OASL: variants seen among roughly 807,000 people sequenced by gnomAD.
OASL encodes 2'-5'-oligoadenylate synthase-like protein.
Under a neutral mutation model 35.3 loss-of-function variants are expected in OASL, and 28 were observed. The ratio of observed to expected loss-of-function variants is 0.79; its 90% CI spans 0.59 to 1.09. The LOEUF (loss-of-function observed/expected upper bound fraction) is 1.09, where lower values mean the gene tolerates loss of function less well. Among genes scored for constraint, OASL ranks in the 50% least tolerant of loss-of-function variants. The pLI, the probability that OASL is intolerant of heterozygous loss-of-function variation, is 0.00. For missense variants in OASL, 620 were observed against 635.2 expected (o/e 0.98, Z 0.26); for synonymous variants, 252 against 254.6 (o/e 0.99, Z 0.10).
intron 4 of OASL, among the ~76,000 whole-genome samples, chr12:121,026,715 G>T (rs1869502212): frequency 6.6e-6 from 1 of 152,140 alleles, no homozygotes; most frequent in African/African-American, 2.4e-5. Flanking sequence ...GCTGGGTGTG[G>T]GTTGTAGGCG....
chr12:121,023,287 C>G, intron 5 of OASL, among the ~76,000 whole-genome samples: 1 of 123,276 alleles, frequency 8.1e-6, no homozygotes, highest in South Asian at 2.5e-4. Context: ...TTTTTTTTTT[C>G]TTTTTTTCTT....
intron 1 of OASL, among the ~76,000 whole-genome samples, chr12:121,034,556 G>A (rs1285591426): frequency 6.6e-6 from 1 of 152,150 alleles, no homozygotes; most frequent in East Asian, 1.9e-4. Context: ...TCTGGGGGTG[G>A]TGGTGGGGCT....
chr12:121,032,466 T>G (rs934197759), intron 2 of OASL, among the ~76,000 whole-genome samples: 1 of 152,134 alleles, frequency 6.6e-6, no homozygotes, highest in Admixed American at 6.5e-5. Context: ...AGTGAGTTAG[T>G]GCTCCCAAAG....
In OASL at chr12:121,021,072, G is replaced by T; in HGVS notation, c.1048-14C>A. 6.5e-7 allele frequency: 1 copy of T among 1,546,256 alleles called. No homozygotes were observed. The highest frequency in any genetic ancestry group is 1.2e-5 in the South Asian group (1 of 81,472). On this transcript the variant is annotated splice_polypyrimidine_tract_variant and intron_variant, in intron 5 of 5. Coordinates refer to ENST00000257570, the Ensembl canonical transcript of OASL. ...GTCTCGTGCCCTCTGGAAGGGAGAG[G>T]GAGAAGGAGAGGTGTTAAGTCCACA...
chr12:121,033,631 A>G (rs1356845980), exon 2 of OASL: 1 of 1,614,162 alleles, frequency 6.2e-7, no homozygotes, highest in Admixed American at 1.7e-5. Flanking sequence ...CAGCCTCAGA[A>G]CATCTTTGTG....
intron 5 of OASL, chr12:121,023,716 G>A (rs1054759590): frequency 4.8e-5 from 16 of 335,374 alleles, no homozygotes; most frequent in Non-Finnish European, 7.9e-5. Flanking sequence ...CCCAACTCAC[G>A]CAAAGAATGA....
At chr12:121,031,159 A>T (rs1869712929) in intron 3 of OASL, among the ~76,000 whole-genome samples, 1 of 152,064 alleles carries the variant, frequency 6.6e-6, no homozygotes, top group African/African-American at 2.4e-5. Context: ...GTCTCAAAAA[A>T]AAATAATAAA....
At chr12:121,023,837 A>T in intron 5 of OASL, 153 bp downstream of exon 5, 1 of 787,424 alleles carries the variant, frequency 1.3e-6, no homozygotes, top group Non-Finnish European at 1.9e-6. Flanking sequence ...AATTTGTCCA[A>T]GTTCACGGAG....
chr12:121,024,042 T>C (rs1397148282), exon 5 of OASL: 4 of 1,614,190 alleles, frequency 2.5e-6, no homozygotes, highest in Non-Finnish European at 3.4e-6. Flanking sequence ...GCAACAGTCC[T>C]GTTTCAGGCA....
intron 5 of OASL, 104 bp from the exon 6 acceptor site, chr12:121,021,162 A>G (rs1869220318): frequency 4.9e-6 from 6 of 1,212,286 alleles, no homozygotes; most frequent in South Asian, 1.6e-5. Context: ...TAGCAGCAGC[A>G]GCGGCAGCAG....
downstream of OASL, among the ~76,000 whole-genome samples, chr12:121,018,696 G>A (rs1296203204): frequency 4.0e-5 from 6 of 150,900 alleles, no homozygotes; most frequent in Admixed American, 3.3e-4. Flanking sequence ...GTGAAACCCC[G>A]TCTCTACTAA....
At chr12:121,035,028 T>G (rs946924883) in intron 1 of OASL, among the ~76,000 whole-genome samples, 3 of 151,880 alleles carry the variant, frequency 2.0e-5, no homozygotes, top group African/African-American at 7.3e-5. Context: ...TCATTCTGTG[T>G]TGGGAGGTGG....
exon 6 of OASL, chr12:121,020,720 C>A: frequency 3.1e-6 from 5 of 1,614,226 alleles, no homozygotes; most frequent in South Asian, 1.1e-5. Flanking sequence ...GGTCTTCAAT[C>A]TGCTGCTTCA....
At chr12:121,033,562 C>A in exon 2 of OASL, 1 of 1,614,170 alleles carries the variant, frequency 6.2e-7, no homozygotes. Flanking sequence ...CTGCTCCATC[C>A]TCAGGTCCTC....
intron 4 of OASL, among the ~76,000 whole-genome samples, chr12:121,027,030 G>A (rs769826386): frequency 1.3e-5 from 2 of 152,026 alleles, no homozygotes; most frequent in Non-Finnish European, 2.9e-5. Context: ...ACCTTCCCTA[G>A]AACGGTAAAG....
exon 1 of OASL, chr12:121,039,050 T>C: frequency 8.2e-7 from 1 of 1,213,606 alleles, no homozygotes; most frequent in Non-Finnish European, 1.2e-6. Context: ...CCTCCTTTTT[T>C]AAGGTAGCTC....
chr12:121,029,471 A>G (rs971902104), intron 3 of OASL, among the ~76,000 whole-genome samples: 12 of 152,126 alleles, frequency 7.9e-5, no homozygotes, highest in African/African-American at 2.9e-4. Flanking sequence ...GGTGGATCAC[A>G]AGGTCAGGAG....
At chr12:121,028,594 G>A (rs1409092886) in intron 3 of OASL, among the ~76,000 whole-genome samples, 1 of 152,002 alleles carries the variant, frequency 6.6e-6, no homozygotes, top group African/African-American at 2.4e-5. Context: ...CAGAGCCAGT[G>A]CCCTCACCAG....
intron 5 of OASL, among the ~76,000 whole-genome samples, chr12:121,023,496 GC>G (rs71453529): frequency 0.36 from 54,622 of 151,698 alleles, 11,617 homozygotes; most frequent in Middle Eastern, 0.61. Flanking sequence ...TTCCATGTTG[GC>G]CGGGCTGGTC....
Sources: gnomAD v4.1 joint callset for allele counts (sites outside exome capture counted in the v4.1 genomes callset) on GRCh38, gnomAD v4.1.1 for gene constraint, MANE v1.5 for transcripts, NCBI Gene and HGNC (gene_info 2026-07-23, HGNC 2026-07-21) for gene names.